Variants in EPB41L5 observed in about 807,000 individuals in gnomAD.
EPB41L5 encodes erythrocyte membrane protein band 4.1 like 5.
In EPB41L5, 55 loss-of-function variants were observed where a neutral mutation model predicts 106.6. The observed-to-expected ratio is 0.52, with a 90% confidence interval of 0.42 to 0.65. The LOEUF (loss-of-function observed/expected upper bound fraction) is 0.65. Among genes scored for constraint, EPB41L5 ranks in the 30% least tolerant of loss-of-function variants. The pLI is 0.00. For missense variants in EPB41L5, 871 were observed against 882.1 expected (o/e 0.99, Z 0.16); for synonymous variants, 297 against 306.7 (o/e 0.97, Z 0.33).
chr2:120,153,422 T>G (rs181213512), intron 20 of EPB41L5, among the ~76,000 whole-genome samples: 13 of 152,238 alleles, frequency 8.5e-5, no homozygotes, highest in African/African-American at 2.9e-4. Flanking sequence ...GTAGAGAATG[T>G]TTTGTATGTT....
intron 10 of EPB41L5, among the ~76,000 whole-genome samples, chr2:120,079,400 C>T (rs1221912436): frequency 6.6e-6 from 1 of 152,174 alleles, no homozygotes; most frequent in Admixed American, 6.6e-5. Flanking sequence ...TCTGAATTCT[C>T]TGACTCAGAT....
intron 16 of EPB41L5, 106 bp downstream of exon 16, chr2:120,100,920 T>A (rs1294400020): frequency 2.7e-6 from 2 of 728,228 alleles, no homozygotes; most frequent in Admixed American, 5.7e-5. Context: ...AGCAAATTAT[T>A]CATATTTGTG....
At chr2:120,118,851 C>T (rs1379744532) in intron 16 of EPB41L5, among the ~76,000 whole-genome samples, 2 of 152,166 alleles carry the variant, frequency 1.3e-5, no homozygotes, top group Non-Finnish European at 2.9e-5. Context: ...GGTATATGCC[C>T]AGTAATGGGA....
At chr2:120,013,599 G>C (rs568019328) in intron 1 of EPB41L5, 2 of 152,334 alleles carry the variant, frequency 1.3e-5, no homozygotes, top group East Asian at 1.9e-4. Context: ...AAAACGAACT[G>C]AGTTTGTGTC....
intron 16 of EPB41L5, among the ~76,000 whole-genome samples, chr2:120,107,408 G>A (rs1055054973): frequency 2.6e-5 from 4 of 152,040 alleles, no homozygotes; most frequent in Admixed American, 6.6e-5. Context: ...TCTCAATAAC[G>A]TTTTCTCTCT....
chr2:120,160,784 T>C, intron 20 of EPB41L5, 97 bp from the exon 21 acceptor site: 4 of 806,630 alleles, frequency 5.0e-6, no homozygotes, highest in Non-Finnish European at 8.2e-6. Context: ...TTCCCCTACA[T>C]GAATTTGTTG....
At chr2:120,073,106 A>G in intron 3 of EPB41L5, 72 bp from the exon 4 acceptor site, 1 of 1,359,466 alleles carries the variant, frequency 7.4e-7, no homozygotes, top group Non-Finnish European at 1.0e-6. Context: ...AATGAAAAGT[A>G]ACTTTTAGTA....
At chr2:120,129,780 A>G (rs556059756) in intron 17 of EPB41L5, among the ~76,000 whole-genome samples, 134 of 152,314 alleles carry the variant, frequency 8.8e-4, no homozygotes, top group African/African-American at 3.2e-3. Context: ...TGGATGAGCA[A>G]TTTGCAAGTA....
chr2:120,176,065 A>G lies in EPB41L5; in HGVS notation c.*1158A>G, dbSNP rs1687909037. The G allele has an allele frequency of 6.6e-6, 1 of 152,652 alleles. No homozygotes were observed. Among genetic ancestry groups the G allele is most frequent in the African/African-American group, 2.4e-5 (1 of 41,468 alleles). The allele number at this position is 152,652 out of a possible 1,614,324, so 9.5% of individuals were successfully genotyped here. A position where few individuals can be genotyped will look rare whatever the true frequency, so the allele number is the denominator to read the frequency against. On this transcript the variant is annotated 3_prime_UTR_variant, in exon 25 of 25. Coordinates refer to ENST00000263713, the MANE Select transcript of EPB41L5 (RefSeq NM_020909.4). Reference sequence around the variant, plus strand: ...CATCCCTTTGGGCCTGTACAAAGAAATTCTGGATGTTAAAATAATATATAC... The same window carrying G: ...CATCCCTTTGGGCCTGTACAAAGAAGTTCTGGATGTTAAAATAATATATAC...
In EPB41L5 at chr2:120,093,622, C is replaced by T. The variant is rs369734048; in HGVS notation, c.1178+346C>T. ...GATTTGCAAATAGGCAATTTTCTTC[C>T]TGGGATAAATCCCACTTGGTTGTGG... On this transcript the variant is annotated intron_variant, in intron 14 of 24. Coordinates refer to ENST00000263713, the MANE Select transcript of EPB41L5 (RefSeq NM_020909.4). Among the ~76,000 whole-genome samples, 83 of 152,280 alleles carry T rather than the reference C, an allele frequency of 5.5e-4. 2 individuals are homozygous for T. The South Asian group carries it at 0.017, about 31-fold the overall frequency.
chr2:120,176,734 T>C lies in EPB41L5; in HGVS notation c.*1827T>C, dbSNP rs1344804165. 6.6e-6 allele frequency: 1 copy of C among 152,228 alleles called. No individual in the cohort carries two copies. Among genetic ancestry groups the C allele is most frequent in the Non-Finnish European group, 1.5e-5 (1 of 68,044 alleles). 9.4% of individuals were successfully genotyped at this position (152,228 alleles called of 1,614,324 possible). A position where few individuals can be genotyped will look rare whatever the true frequency, so the allele number is the denominator to read the frequency against. On this transcript the variant is annotated 3_prime_UTR_variant, in exon 25 of 25. Coordinates refer to ENST00000263713, the MANE Select transcript of EPB41L5 (RefSeq NM_020909.4). ...GAATGAGCATCAAATTTTCAGTGTC[T>C]TGGCAACCGTAGATGTCCTACAGGG...
Position 120,043,881 on chromosome 2 carries a change from T to G in EPB41L5, c.285+1771T>G, listed in dbSNP as rs77573937. 5.3e-3 allele frequency among the ~76,000 whole-genome samples: 803 copies of G among 152,302 alleles called. 4 individuals are homozygous for G. The highest frequency in any genetic ancestry group is 0.019 in the African/African-American group (774 of 41,572). On this transcript the variant is annotated intron_variant, in intron 3 of 24. Coordinates refer to ENST00000263713, the MANE Select transcript of EPB41L5 (RefSeq NM_020909.4). ...AAAAATCTAGGCCAGGAGCAGTGGC[T>G]CATGCCTATAATCCCAGCACTTTGA...
intron 19 of EPB41L5, 140 bp downstream of exon 19, chr2:120,143,271 A>G (rs1372990198): frequency 9.7e-7 from 1 of 1,028,628 alleles, no homozygotes; most frequent in Non-Finnish European, 1.4e-6. Flanking sequence ...AAAGATGCTC[A>G]GGGGGATACG....
intron 18 of EPB41L5, among the ~76,000 whole-genome samples, chr2:120,137,670 G>C (rs901037138): frequency 6.6e-6 from 1 of 151,994 alleles, no homozygotes; most frequent in African/African-American, 2.4e-5. Flanking sequence ...TCCAAAACCT[G>C]AATAGACCAA....
At chr2:120,154,042 T>C (rs1206715042) in intron 20 of EPB41L5, among the ~76,000 whole-genome samples, 1 of 152,158 alleles carries the variant, frequency 6.6e-6, no homozygotes, top group Non-Finnish European at 1.5e-5. Flanking sequence ...TTTCTGTATG[T>C]CTTTTGTCAA....
rs1398574331 is a variant in EPB41L5, at chr2:120,131,626, G to A, written c.1510G>A (p.Asp504Asn). Residue 504 changes from aspartate to asparagine, a missense_variant, in exon 18 of 25, where the codon GAC becomes AAC. Coordinates refer to ENST00000263713, the MANE Select transcript of EPB41L5 (RefSeq NM_020909.4). ...TTTTTTTTTCTTTTCAGCATTAAAA[G>A]ACACCTCAGAGAAGCTCAAACAGCT... ...EPEVEYETLK[D>N]TSEKLKQLEM... The A allele has an allele frequency of 6.2e-7, 1 of 1,611,246 alleles. No individual in the cohort carries two copies. The highest frequency in any genetic ancestry group is 8.5e-7 in the Non-Finnish European group (1 of 1,178,546).
intron 14 of EPB41L5, among the ~76,000 whole-genome samples, chr2:120,095,259 T>A (rs563415495): frequency 3.9e-5 from 6 of 152,352 alleles, no homozygotes; most frequent in African/African-American, 1.4e-4. Context: ...TTCCTTTTTA[T>A]CTCTAGTAAC....
At chr2:120,079,176 G>A (rs1041112914) in intron 10 of EPB41L5, among the ~76,000 whole-genome samples, 2 of 152,136 alleles carry the variant, frequency 1.3e-5, no homozygotes, top group African/African-American at 4.8e-5. Context: ...GAGCCTAGGT[G>A]TTTACTTTTG....
intron 16 of EPB41L5, among the ~76,000 whole-genome samples, chr2:120,115,725 C>T (rs1037059733): frequency 3.3e-5 from 5 of 151,900 alleles, no homozygotes; most frequent in African/African-American, 9.7e-5. Context: ...TTAATGGTTA[C>T]CCTGGGGATT....
Sources: gnomAD v4.1 joint callset for allele counts (sites outside exome capture counted in the v4.1 genomes callset) on GRCh38, gnomAD v4.1.1 for gene constraint, MANE v1.5 for transcripts, NCBI Gene and HGNC (gene_info 2026-07-23, HGNC 2026-07-21) for gene names.